Variants in IPMK observed in about 807,000 individuals in gnomAD.
The protein encoded by IPMK is inositol polyphosphate multikinase, also known as inositol 1,3,4,6-tetrakisphosphate 5-kinase.
Under a neutral mutation model 45.8 loss-of-function variants are expected in IPMK, and 17 were observed. The ratio of observed to expected loss-of-function variants is 0.37; its 90% CI spans 0.25 to 0.56. IPMK has a LOEUF of 0.56. IPMK is among the 20% of genes least tolerant of loss of function. The probability of loss-of-function intolerance (pLI) is 0.79; values close to 1 mark genes in which losing one functional copy is unlikely to be tolerated. For synonymous variants in IPMK, 180 were observed against 184.3 expected (o/e 0.98, Z 0.19); for missense variants, 399 against 498.0 (o/e 0.80, Z 1.89).
intron 1 of IPMK, among the ~76,000 whole-genome samples, chr10:58,265,256 T>C (rs1448404360): frequency 6.6e-6 from 1 of 152,182 alleles, no homozygotes; most frequent in African/African-American, 2.4e-5. Context: ...AACTCCTTTT[T>C]GGAAATAGGT....
intron 4 of IPMK, among the ~76,000 whole-genome samples, chr10:58,211,919 A>ATAAAAAAAAAAAT: frequency 6.7e-6 from 1 of 148,284 alleles, no homozygotes; most frequent in African/African-American, 2.6e-5. Context: ...AAAAAAAAAA[A>ATAAAAAAAAAAAT]AAAAAATTTG....
chr10:58,221,318 T>C (rs1838330292), intron 3 of IPMK, among the ~76,000 whole-genome samples: 1 of 151,908 alleles, frequency 6.6e-6, no homozygotes, highest in Non-Finnish European at 1.5e-5. Context: ...CTGAGACTAC[T>C]ATTTCATCCT....
intron 1 of IPMK, among the ~76,000 whole-genome samples, chr10:58,239,270 A>T (rs1324862259): frequency 2.0e-5 from 3 of 152,246 alleles, no homozygotes; most frequent in African/African-American, 7.2e-5. Context: ...GTAGTCCAAT[A>T]TAACTAAAAA....
intron 4 of IPMK, among the ~76,000 whole-genome samples, chr10:58,199,803 T>G (rs561793455): frequency 4.2e-4 from 64 of 152,162 alleles, no homozygotes; most frequent in African/African-American, 1.5e-3. Flanking sequence ...AGTTGTACAC[T>G]GGAAAATAAA....
intron 4 of IPMK, among the ~76,000 whole-genome samples, chr10:58,209,535 C>A (rs896074769): frequency 6.6e-6 from 1 of 152,210 alleles, no homozygotes; most frequent in Non-Finnish European, 1.5e-5. Flanking sequence ...GGTCTAGCTA[C>A]TCAGCAAGGC....
At chr10:58,204,027 A>G (rs148830079) in intron 4 of IPMK, among the ~76,000 whole-genome samples, 678 of 151,520 alleles carry the variant, frequency 4.5e-3, no homozygotes, top group Middle Eastern at 0.01. Context: ...TTCTTTAGCA[A>G]TAAGTATTTT....
At chr10:58,246,790 C>T (rs541676512) in intron 1 of IPMK, among the ~76,000 whole-genome samples, 1 of 152,032 alleles carries the variant, frequency 6.6e-6, no homozygotes, top group Admixed American at 6.5e-5. Flanking sequence ...CAACAAAAGC[C>T]AAAATTGACA....
At position 58,193,659 on chromosome 10, in the gene IPMK, A is replaced by G. The variant is rs1837848144; in HGVS notation, c.*2417T>C. The G allele has an allele frequency of 6.6e-6, 1 of 151,808 alleles. No homozygotes were observed. Among genetic ancestry groups the G allele is most frequent in the African/African-American group, 2.4e-5 (1 of 41,432 alleles). 9.4% of individuals were successfully genotyped at this position (151,808 alleles called of 1,614,324 possible). A position where few individuals can be genotyped will look rare whatever the true frequency, so the allele number is the denominator to read the frequency against. On this transcript the variant is annotated 3_prime_UTR_variant, in exon 6 of 6. Coordinates refer to ENST00000373935, the MANE Select transcript of IPMK (RefSeq NM_152230.5). ...GAGTGTATTCCATAAGAAATACACT[A>G]AAATCATTACTTATGTTTCATAGGG...
At chr10:58,203,840 C>T (rs1047347746) in intron 4 of IPMK, among the ~76,000 whole-genome samples, 1 of 152,150 alleles carries the variant, frequency 6.6e-6, no homozygotes, top group African/African-American at 2.4e-5. Flanking sequence ...CCAGAGAAAC[C>T]TTTCATTTAA....
At chr10:58,216,368 C>A (rs1473270277) in intron 3 of IPMK, 51 bp from the exon 4 acceptor site, 1 of 797,176 alleles carries the variant, frequency 1.3e-6, no homozygotes, top group South Asian at 2.9e-5. Context: ...TATTACTACT[C>A]AAGTACTTGC....
chr10:58,217,112 C>T (rs775929928), intron 3 of IPMK, among the ~76,000 whole-genome samples: 12 of 148,554 alleles, frequency 8.1e-5, no homozygotes, highest in Non-Finnish European at 1.3e-4. Context: ...GCCTCCCAAA[C>T]TGCTGAGATT....
intron 1 of IPMK, among the ~76,000 whole-genome samples, chr10:58,254,259 C>T (rs1487982617): frequency 2.0e-5 from 3 of 152,064 alleles, no homozygotes; most frequent in African/African-American, 7.2e-5. Context: ...GTTTAGATAA[C>T]TTCATAGCTT....
chr10:58,204,577 T>G (rs1202936225), intron 4 of IPMK, among the ~76,000 whole-genome samples: 2 of 152,156 alleles, frequency 1.3e-5, no homozygotes, highest in African/African-American at 4.8e-5. Flanking sequence ...GAGGATCATT[T>G]GAGCCCATGA....
intron 2 of IPMK, among the ~76,000 whole-genome samples, chr10:58,230,210 C>A (rs1015868351): frequency 3.3e-5 from 5 of 152,230 alleles, no homozygotes; most frequent in South Asian, 2.1e-4. Context: ...CTAGACTCCA[C>A]CTCTGTGGGC....
At chr10:58,245,612 A>G (rs1157052935) in intron 1 of IPMK, among the ~76,000 whole-genome samples, 1 of 45,492 alleles carries the variant, frequency 2.2e-5, no homozygotes, top group Non-Finnish European at 3.8e-5. Flanking sequence ...ACTCTGTCTC[A>G]AAAAAAAAAA....
chr10:58,201,633 C>T (rs1349415474), intron 4 of IPMK, among the ~76,000 whole-genome samples: 3 of 152,098 alleles, frequency 2.0e-5, no homozygotes, highest in Non-Finnish European at 4.4e-5. Flanking sequence ...TAATTAATAA[C>T]CCTCCAATGG....
chr10:58,246,880 G>C (rs966036111), intron 1 of IPMK, among the ~76,000 whole-genome samples: 1 of 151,102 alleles, frequency 6.6e-6, no homozygotes, highest in South Asian at 2.1e-4. Context: ...CTACAAAATG[G>C]GAGAAAATTT....
At chr10:58,229,363 G>A (rs1838471460) in intron 2 of IPMK, among the ~76,000 whole-genome samples, 1 of 151,980 alleles carries the variant, frequency 6.6e-6, no homozygotes, top group African/African-American at 2.4e-5. Flanking sequence ...AGGAGTTCCA[G>A]ACCAGCCTGG....
At chr10:58,233,078 G>T (rs549473653) in intron 2 of IPMK, among the ~76,000 whole-genome samples, 2 of 152,080 alleles carry the variant, frequency 1.3e-5, no homozygotes, top group South Asian at 4.1e-4. Flanking sequence ...ATCTAGAAAT[G>T]GATAAATTCA....
Sources: allele counts gnomAD v4.1 joint callset (sites outside exome capture counted in the v4.1 genomes callset), GRCh38; gene constraint gnomAD v4.1.1; transcripts MANE v1.5; gene names NCBI Gene and HGNC (gene_info 2026-07-23, HGNC 2026-07-21).